Variants in SNTG1 observed in about 807,000 individuals in gnomAD.
SNTG1 encodes the protein syntrophin gamma 1, also known as gamma-1-syntrophin.
SNTG1 carries 39 observed loss-of-function variants against 74.7 expected under a neutral mutation model. That is an observed-to-expected ratio of 0.52 (90% confidence interval 0.40 to 0.68). The LOEUF (loss-of-function observed/expected upper bound fraction) is 0.68. SNTG1 is among the 30% of genes least tolerant of loss of function. SNTG1 has a pLI of 0.00. For synonymous variants in SNTG1, 254 were observed against 217.1 expected (o/e 1.17, Z -1.49); for missense variants, 685 against 609.5 (o/e 1.12, Z -1.30).
intron 8 of SNTG1, among the ~76,000 whole-genome samples, chr8:50,452,569 T>G (rs1194581265): frequency 6.6e-6 from 1 of 152,198 alleles, no homozygotes; most frequent in Non-Finnish European, 1.5e-5. Flanking sequence ...GGAGCTTTGA[T>G]TAAACAGATT....
intron 2 of SNTG1, among the ~76,000 whole-genome samples, chr8:50,259,362 G>A (rs1224733877): frequency 6.6e-6 from 1 of 151,946 alleles, no homozygotes; most frequent in Non-Finnish European, 1.5e-5. Context: ...AGCCAGGCAT[G>A]TTGGTGTGCA....
At chr8:49,960,708 G>T (rs898050684) in intron 1 of SNTG1, among the ~76,000 whole-genome samples, 1 of 152,078 alleles carries the variant, frequency 6.6e-6, no homozygotes, top group Non-Finnish European at 1.5e-5. Context: ...AGGTCATCAT[G>T]AGGAAAGAGC....
At chr8:50,100,935 A>C (rs989878558) in intron 1 of SNTG1, among the ~76,000 whole-genome samples, 1 of 151,954 alleles carries the variant, frequency 6.6e-6, no homozygotes, top group African/African-American at 2.4e-5. Context: ...CCCTCCTCCC[A>C]CTGTCCACCT....
chr8:50,625,439 G>C (rs560263151), intron 13 of SNTG1, among the ~76,000 whole-genome samples: 1 of 152,174 alleles, frequency 6.6e-6, no homozygotes, highest in South Asian at 2.1e-4. Context: ...TGATCAACTT[G>C]GTTTAACCAT....
intron 1 of SNTG1, among the ~76,000 whole-genome samples, chr8:49,973,526 A>G (rs1033905227): frequency 3.9e-5 from 6 of 152,274 alleles, no homozygotes; most frequent in Admixed American, 2.6e-4. Flanking sequence ...TAAAAAAAAA[A>G]AAAGAAAAGA....
chr8:49,967,248 A>G (rs1247260085), intron 1 of SNTG1, among the ~76,000 whole-genome samples: 1 of 152,250 alleles, frequency 6.6e-6, no homozygotes, highest in Non-Finnish European at 1.5e-5. Context: ...AGGGGCTTGA[A>G]GAATGCCTGT....
chr8:50,167,427 T>C (rs1331987332), intron 1 of SNTG1, among the ~76,000 whole-genome samples: 2 of 151,796 alleles, frequency 1.3e-5, no homozygotes, highest in African/African-American at 2.4e-5. Flanking sequence ...CTTGTGTATG[T>C]AAAACCTTTC....
intron 2 of SNTG1, among the ~76,000 whole-genome samples, chr8:50,206,110 C>A (rs1422106815): frequency 3.3e-5 from 5 of 152,126 alleles, no homozygotes; most frequent in Non-Finnish European, 7.4e-5. Context: ...TGAAGAAAGT[C>A]ATTGGTAGCT....
intron 4 of SNTG1, among the ~76,000 whole-genome samples, chr8:50,404,986 C>A (rs1254064465): frequency 1.3e-5 from 2 of 152,184 alleles, no homozygotes; most frequent in East Asian, 3.9e-4. Context: ...ATCAGAATTT[C>A]ATTCCCTTCA....
intron 18 of SNTG1, among the ~76,000 whole-genome samples, chr8:50,756,912 C>A (rs1198583093): frequency 6.6e-6 from 1 of 151,592 alleles, no homozygotes; most frequent in East Asian, 1.9e-4. Context: ...AAAATATATT[C>A]CATTTATTTA....
intron 1 of SNTG1, among the ~76,000 whole-genome samples, chr8:50,146,146 T>TTGTG (rs148184449): frequency 1.3e-5 from 2 of 150,994 alleles, no homozygotes; most frequent in Non-Finnish European, 3.0e-5. Flanking sequence ...AGTATCCAAT[T>TTGTG]TGTGTGTGTG....
intron 2 of SNTG1, among the ~76,000 whole-genome samples, chr8:50,233,355 A>G (rs1413613972): frequency 6.6e-6 from 1 of 151,748 alleles, no homozygotes; most frequent in Non-Finnish European, 1.5e-5. Flanking sequence ...TTGGATATCA[A>G]CAGGTAAAAG....
At chr8:50,066,780 A>G (rs1820932655) in intron 1 of SNTG1, among the ~76,000 whole-genome samples, 1 of 152,242 alleles carries the variant, frequency 6.6e-6, no homozygotes, top group African/African-American at 2.4e-5. Context: ...ATCTTCACAG[A>G]CAATTCCCTC....
chr8:50,342,573 A>C (rs942508325), intron 2 of SNTG1, among the ~76,000 whole-genome samples: 1 of 152,202 alleles, frequency 6.6e-6, no homozygotes, highest in Non-Finnish European at 1.5e-5. Flanking sequence ...TTTAAAACAC[A>C]TCTATTGTGT....
intron 2 of SNTG1, among the ~76,000 whole-genome samples, chr8:50,312,086 AT>A (rs1178576649): frequency 6.6e-6 from 1 of 150,406 alleles, no homozygotes; most frequent in Non-Finnish European, 1.5e-5. Flanking sequence ...ATAGAAAAAA[AT>A]CCAGCTGTAT....
chr8:50,701,202 G>C (rs572100564), intron 15 of SNTG1, among the ~76,000 whole-genome samples: 1 of 152,256 alleles, frequency 6.6e-6, no homozygotes, highest in South Asian at 2.1e-4. Flanking sequence ...AAACTGCAAC[G>C]TTTAGTTATA....
intron 5 of SNTG1, among the ~76,000 whole-genome samples, chr8:50,445,422 G>T (rs978805579): frequency 5.3e-5 from 8 of 152,072 alleles, no homozygotes; most frequent in Admixed American, 1.3e-4. Flanking sequence ...TAATAATATT[G>T]AACTGAAAAG....
At chr8:50,470,592 C>T (rs2093644729) in intron 8 of SNTG1, among the ~76,000 whole-genome samples, 1 of 152,120 alleles carries the variant, frequency 6.6e-6, no homozygotes, top group African/African-American at 2.4e-5. Flanking sequence ...GTCTTGCTGG[C>T]TTCAGGAGTG....
In SNTG1 at chr8:50,340,866, TG is replaced by T. The variant is rs1276139762; in HGVS notation, c.-27-53344del. ...TCTCTAAAATGTAAAAAATACTTCT[TG>T]GTGCAAAATAGGTACTAAAATTGTT... On this transcript the variant is annotated intron_variant, in intron 2 of 18. Coordinates refer to ENST00000642720, the MANE Select transcript of SNTG1 (RefSeq NM_018967.5). 3.9e-5 allele frequency among the ~76,000 whole-genome samples: 6 copies of T among 151,952 alleles called. No individual in the cohort carries two copies. In the East Asian group the frequency reaches 1.2e-3, roughly 29 times the overall value.
Sources: gnomAD v4.1 joint callset for allele counts (sites outside exome capture counted in the v4.1 genomes callset) on GRCh38, gnomAD v4.1.1 for gene constraint, MANE v1.5 for transcripts, NCBI Gene and HGNC (gene_info 2026-07-23, HGNC 2026-07-21) for gene names.